The following TMEM260 variants were observed in gnomAD, a reference collection of about 807,000 sequenced individuals.
TMEM260 encodes transmembrane protein 260.
Under a neutral mutation model 88.9 loss-of-function variants are expected in TMEM260, and 82 were observed. The observed-to-expected ratio is 0.92, with a 90% CI of 0.77 to 1.11. The LOEUF (loss-of-function observed/expected upper bound fraction) is 1.11. Ranked by LOEUF, TMEM260 falls within the 50% of genes least tolerant of loss-of-function variation. The probability of loss-of-function intolerance (pLI) is 0.00; values close to 1 mark genes in which losing one functional copy is unlikely to be tolerated. For missense variants in TMEM260, 902 were observed against 853.4 expected (o/e 1.06, Z -0.71); for synonymous variants, 314 against 309.3 (o/e 1.02, Z -0.16).
intron 15 of TMEM260, among the ~76,000 whole-genome samples, chr14:56,639,482 G>A (rs996998286): frequency 1.6e-4 from 24 of 152,256 alleles, no homozygotes; most frequent in African/African-American, 5.8e-4. Flanking sequence ...AATCTAACAG[G>A]TCTATATTTG....
At chr14:56,614,219 TAAA>T (rs397852138) in intron 7 of TMEM260, among the ~76,000 whole-genome samples, 3 of 111,544 alleles carry the variant, frequency 2.7e-5, no homozygotes, top group Non-Finnish European at 5.3e-5. Context: ...TACAAAACAT[TAAA>T]AAAAAAAAAA....
chr14:56,634,653 C>G (rs572723154), intron 13 of TMEM260, among the ~76,000 whole-genome samples: 1 of 152,142 alleles, frequency 6.6e-6, no homozygotes, highest in East Asian at 1.9e-4. Context: ...ACCAGCCTAG[C>G]CAACATGGTG....
Position 56,605,557 on chromosome 14 carries a change from A to T in TMEM260, c.523-13A>T, listed in dbSNP as rs749968028. 34 of 1,416,492 alleles carry T rather than the reference A, an allele frequency of 2.4e-5. No homozygotes were observed. In the African/African-American group the frequency reaches 2.9e-4, roughly 12 times the overall value. 87.7% of individuals were successfully genotyped at this position (1,416,492 alleles called of 1,614,324 possible). On this transcript the variant is annotated splice_polypyrimidine_tract_variant and intron_variant, in intron 4 of 15. Coordinates refer to ENST00000261556, the MANE Select transcript of TMEM260 (RefSeq NM_017799.4). ...AATTTTTTACTTAATTTTTTTTTTT[A>T]ATTTATTTTCAGGTAGCTAAAATTG...
At chr14:56,643,768 C>G (rs1335353556) in intron 15 of TMEM260, among the ~76,000 whole-genome samples, 1 of 152,202 alleles carries the variant, frequency 6.6e-6, no homozygotes, top group East Asian at 1.9e-4. Context: ...ACCCCACTGT[C>G]TCAGCCCAAA....
chr14:56,584,141 A>G (rs554306357), intron 1 of TMEM260, among the ~76,000 whole-genome samples: 1 of 152,226 alleles, frequency 6.6e-6, no homozygotes, highest in South Asian at 2.1e-4. Context: ...CAGAGAGAGT[A>G]AAGGTCTAAA....
At chr14:56,590,993 TA>T (rs1885819338) in intron 3 of TMEM260, among the ~76,000 whole-genome samples, 1 of 152,230 alleles carries the variant, frequency 6.6e-6, no homozygotes, top group Non-Finnish European at 1.5e-5. Flanking sequence ...AGGAAAGGGC[TA>T]CATAGGCTGA....
chr14:56,596,439 T>C (rs1008158719), intron 3 of TMEM260, among the ~76,000 whole-genome samples: 76 of 134,168 alleles, frequency 5.7e-4, no homozygotes, highest in Admixed American at 8.8e-4. Context: ...TACACACACA[T>C]ATACATATAT....
chr14:56,587,196 A>G (rs962838197), intron 3 of TMEM260, among the ~76,000 whole-genome samples: 1 of 151,992 alleles, frequency 6.6e-6, no homozygotes, highest in East Asian at 1.9e-4. Context: ...AATTTTCACA[A>G]GATACTTTAG....
chr14:56,636,618 G>C lies in TMEM260; in HGVS notation c.1869+20G>C. On this transcript the variant is annotated intron_variant, in intron 15 of 15. Coordinates refer to ENST00000261556, the MANE Select transcript of TMEM260 (RefSeq NM_017799.4). ...TATGACGTATGTTACACTTTTATAT[G>C]TAGATATAGATATATTTGGTGGGAA... 6.3e-7 allele frequency: 1 copy of C among 1,589,410 alleles called. No individual in the cohort carries two copies. Among genetic ancestry groups the C allele is most frequent in the Non-Finnish European group, 8.6e-7 (1 of 1,157,498 alleles).
chr14:56,635,839 T>TTGCAAATATATATA (rs1284926737), intron 14 of TMEM260, among the ~76,000 whole-genome samples: 6 of 127,710 alleles, frequency 4.7e-5, no homozygotes, highest in Non-Finnish European at 8.9e-5. Flanking sequence ...AAAATAATGA[T>TTGCAAATATATATA]TGCAAATATA....
At chr14:56,613,162 A>C (rs1887389854) in intron 7 of TMEM260, 1 of 152,176 alleles carries the variant, frequency 6.6e-6, no homozygotes, top group South Asian at 2.1e-4. Flanking sequence ...AACTTGATAC[A>C]AAATTTTGGA....
At chr14:56,623,931 A>G (rs1888082580) in intron 11 of TMEM260, among the ~76,000 whole-genome samples, 1 of 152,356 alleles carries the variant, frequency 6.6e-6, no homozygotes, top group Admixed American at 6.5e-5. Flanking sequence ...TTCTTTAAAA[A>G]GAGGGAATGA....
the TMEM260 span, among the ~76,000 whole-genome samples, chr14:56,661,673 G>A: frequency 1.3e-5 from 2 of 152,128 alleles, no homozygotes; most frequent in African/African-American, 4.8e-5. Flanking sequence ...TGTTCTCATG[G>A]TCAGCCTCTC....
At chr14:56,596,100 A>G (rs1886187163) in intron 3 of TMEM260, among the ~76,000 whole-genome samples, 1 of 152,082 alleles carries the variant, frequency 6.6e-6, no homozygotes, top group Non-Finnish European at 1.5e-5. Context: ...AATAAAGGAC[A>G]TGGCTCTTAA....
At chr14:56,617,071 C>A in intron 8 of TMEM260, 112 bp from the exon 9 acceptor site, 1 of 550,654 alleles carries the variant, frequency 1.8e-6, no homozygotes, top group Non-Finnish European at 2.9e-6. Flanking sequence ...TCTCTTTGCT[C>A]CTAGTTAAAA....
At chr14:56,585,626 C>T in intron 2 of TMEM260, 135 bp from the exon 3 acceptor site, 1 of 792,202 alleles carries the variant, frequency 1.3e-6, no homozygotes, top group Non-Finnish European at 2.0e-6. Flanking sequence ...CAATAGAAAA[C>T]CACTATTCAA....
intron 10 of TMEM260, among the ~76,000 whole-genome samples, chr14:56,620,087 G>A (rs1001908019): frequency 1.3e-5 from 2 of 152,164 alleles, no homozygotes; most frequent in Non-Finnish European, 2.9e-5. Flanking sequence ...GCTAAACGAT[G>A]AGAACTCATG....
Position 56,601,060 on chromosome 14 carries a change from T to C in TMEM260, c.345-2755T>C, listed in dbSNP as rs189937196. ...GCTATGGGATTAGTCTTCAGTAAAATACTCATGTACCTAACTTTGTGTAAC... is the reference window on the plus strand; with the variant it reads ...GCTATGGGATTAGTCTTCAGTAAAACACTCATGTACCTAACTTTGTGTAAC... On this transcript the variant is annotated intron_variant, in intron 3 of 15. Coordinates refer to ENST00000261556, the MANE Select transcript of TMEM260 (RefSeq NM_017799.4). Among the ~76,000 whole-genome samples the C allele has an allele frequency of 1.6e-3, 240 of 152,272 alleles. 3 individuals carry two copies. The highest frequency in any genetic ancestry group is 5.4e-3 in the African/African-American group (226 of 41,572).
chr14:56,612,375 T>C, intron 7 of TMEM260, 90 bp downstream of exon 7: 1 of 1,115,470 alleles, frequency 9.0e-7, no homozygotes, highest in Non-Finnish European at 1.4e-6. Context: ...CATCTCTTTG[T>C]AACAAAGTAT....
Sources: gnomAD v4.1 joint callset for allele counts (sites outside exome capture counted in the v4.1 genomes callset) on GRCh38, gnomAD v4.1.1 for gene constraint, MANE v1.5 for transcripts, NCBI Gene and HGNC (gene_info 2026-07-23, HGNC 2026-07-21) for gene names.